Variants in FKBP15 observed in about 807,000 individuals in gnomAD.
The protein encoded by FKBP15 is FK506-binding protein 15.
Under a neutral mutation model 158.1 loss-of-function variants are expected in FKBP15, and 106 were observed. That is an observed-to-expected ratio of 0.67 (90% CI 0.57 to 0.79). FKBP15 has a LOEUF of 0.79. Among genes scored for constraint, FKBP15 ranks in the 30% least tolerant of loss-of-function variants. The pLI is 0.00. For missense variants in FKBP15, 1,287 were observed against 1,479.1 expected, an observed-to-expected ratio of 0.87 and a Z score of 2.13; for synonymous variants, 547 against 548.6, an observed-to-expected ratio of 1.00 and a Z score of 0.04.
Position 113,187,805 on chromosome 9 carries a change from G to A in FKBP15, c.1371C>T (p.Ala457=). 6.2e-7 allele frequency: 1 copy of A among 1,612,924 alleles called. No homozygotes were observed. Among genetic ancestry groups the A allele is most frequent in the Non-Finnish European group, 8.5e-7 (1 of 1,178,964 alleles). ...LDSHSAVSGN[A]QSFQPYAGMQ... ...TATAAAATGTTACCTGAAAGGATTG[G>A]GCATTTCCAGATACAGCTGAGTGGG... Residue 457 remains alanine, a synonymous_variant, in exon 14 of 28, where the codon GCC becomes GCT. Transcript: ENST00000238256.
chr9:113,161,714 A>ACC lies in FKBP15; in HGVS notation c.*4363_*4364insGG, dbSNP rs1830016116. On this transcript the variant is annotated 3_prime_UTR_variant, in exon 28 of 28. Transcript: ENST00000238256. Reference sequence around the variant, plus strand: ...CCCACCACAGGTACAGGCAGTGGGTATGGGAAAGGGGCAGAAGCCTCACAT... The same window carrying ACC: ...CCCACCACAGGTACAGGCAGTGGGTACCTGGGAAAGGGGCAGAAGCCTCACAT... 1 of 1,612,086 alleles carries ACC rather than the reference A, an allele frequency of 6.2e-7. No individual in the cohort carries two copies. Among genetic ancestry groups the ACC allele is most frequent in the Admixed American group, 1.7e-5 (1 of 60,000 alleles).
intron 15 of FKBP15, among the ~76,000 whole-genome samples, chr9:113,185,501 T>C (rs979862334): frequency 1.1e-4 from 17 of 152,214 alleles, no homozygotes; most frequent in African/African-American, 4.1e-4. Flanking sequence ...ACAAATTATG[T>C]TGCAGGACAT....
chr9:113,166,108 A>G lies in FKBP15; in HGVS notation c.3630T>C (p.Asp1210=). 6.2e-7 allele frequency: 1 copy of G among 1,613,774 alleles called. No individual in the cohort carries two copies. Among genetic ancestry groups the G allele is most frequent in the Non-Finnish European group, 8.5e-7 (1 of 1,179,800 alleles). The change falls in exon 28 of 28, where the codon GAT becomes GAC. Residue 1210 remains aspartate (D), a synonymous_variant. Coordinates refer to ENST00000238256, the MANE Select transcript of FKBP15 (RefSeq NM_015258.2). ...CCAGCCAGTCAATGTCATCGTCATC[A>G]TCATCATCTCCAAAAAGGGGCGTTG... The part of the protein sequence containing the change: ...PPPTPLFGDD[D]DDDDIDWLG
chr9:113,188,386 T>C lies in FKBP15; in HGVS notation c.1276+3A>G. 1 of 1,610,760 alleles carries C rather than the reference T, an allele frequency of 6.2e-7. No individual in the cohort carries two copies. The highest frequency in any genetic ancestry group is 8.5e-7 in the Non-Finnish European group (1 of 1,177,040). On this transcript the variant is annotated splice_donor_region_variant and intron_variant, in intron 13 of 27. Coordinates refer to ENST00000238256, the MANE Select transcript of FKBP15 (RefSeq NM_015258.2). The stretch of plus-strand genomic sequence containing the variant: ...GCCACAGAGCCTCAGAGAGGTTCCT[T>C]ACCCTGTGAGGTCATCTGTGGTAAC...
In FKBP15 at chr9:113,186,344, G is replaced by C. The variant is rs1021283286; in HGVS notation, c.1403C>G (p.Ala468Gly). The change falls in exon 15 of 28, where the codon GCC becomes GGC. Residue 468 changes from alanine to glycine, a missense_variant. Transcript: ENST00000238256. ...GGCAGATGCCTGGGGATAAGCGTAGGCTTGCATACCTGCATAGGGCTGAGA... is the reference window on the plus strand; with the variant it reads ...GGCAGATGCCTGGGGATAAGCGTAGCCTTGCATACCTGCATAGGGCTGAGA... ...QSFQPYAGMQ[A>G]YAYPQASAVT... 2 of 1,564,442 alleles carry C rather than the reference G, an allele frequency of 1.3e-6. No homozygotes were observed. The highest frequency in any genetic ancestry group is 1.7e-6 in the Non-Finnish European group (2 of 1,153,722).
At chr9:113,196,264 T>C (rs1024489253) in intron 9 of FKBP15, among the ~76,000 whole-genome samples, 7 of 152,122 alleles carry the variant, frequency 4.6e-5, no homozygotes. Flanking sequence ...TGCATACTTA[T>C]GTAAAGATAT....
intron 20 of FKBP15, among the ~76,000 whole-genome samples, chr9:113,177,348 T>C (rs998710858): frequency 1.3e-5 from 2 of 152,196 alleles, no homozygotes; most frequent in African/African-American, 4.8e-5. Flanking sequence ...TAAAATTTGT[T>C]TGGGAAACTT....
chr9:113,168,738 T>A (rs1830142133), intron 26 of FKBP15, among the ~76,000 whole-genome samples, 182 bp from the exon 27 acceptor site: 1 of 152,146 alleles, frequency 6.6e-6, no homozygotes. Flanking sequence ...CCTAGTGCGG[T>A]TGGCCCCCTC....
chr9:113,178,648 C>T lies in FKBP15; in HGVS notation c.2068G>A (p.Val690Met). ...TDLLRGQLTK[V>M]QAKLSELQET... ...CACATACCTGAGAGCTTTGCCTGCA[C>T]TTTGGTGAGCTGGCCCCTGAGAAGA... The change falls in exon 20 of 28, where the codon GTG (valine) becomes ATG (methionine). Residue 690 changes from valine to methionine, a missense_variant. Transcript: ENST00000238256. 6.2e-7 allele frequency: 1 copy of T among 1,609,948 alleles called. No individual in the cohort carries two copies. Among genetic ancestry groups the T allele is most frequent in the Non-Finnish European group, 8.5e-7 (1 of 1,178,436 alleles).
At chr9:113,178,501 C>T in intron 20 of FKBP15, 129 bp downstream of exon 20, 1 of 850,132 alleles carries the variant, frequency 1.2e-6, no homozygotes, top group Non-Finnish European at 1.8e-6. Flanking sequence ...ATACTAGTCT[C>T]CTTTAATTTT....
intron 6 of FKBP15, 133 bp downstream of exon 6, chr9:113,202,398 A>G: frequency 1.8e-6 from 1 of 569,506 alleles, no homozygotes; most frequent in Admixed American, 3.0e-5. Flanking sequence ...CCGAAGTGGC[A>G]AATTTAGTGG....
chr9:113,171,796 CTCT>C (rs1412238833), intron 23 of FKBP15, 90 bp from the exon 24 acceptor site: 7 of 1,094,018 alleles, frequency 6.4e-6, no homozygotes, highest in Admixed American at 3.8e-5. Context: ...AACATCAAGT[CTCT>C]TTTTTTTTTT....
Position 113,162,895 on chromosome 9 carries a change from A to C in FKBP15, c.*3183T>G, listed in dbSNP as rs770742378. On this transcript the variant is annotated 3_prime_UTR_variant, in exon 28 of 28. Coordinates refer to ENST00000238256, the MANE Select transcript of FKBP15 (RefSeq NM_015258.2). ...TCTGCTGTGGGCTACTACCTAGCTTACCCACTTCTCAGCACAGCTTAGCTG... is the reference window on the plus strand; with the variant it reads ...TCTGCTGTGGGCTACTACCTAGCTTCCCCACTTCTCAGCACAGCTTAGCTG... 15 of 1,611,488 alleles carry C rather than the reference A, an allele frequency of 9.3e-6. No homozygotes were observed. In the East Asian group the frequency reaches 3.1e-4, roughly 34 times the overall value.
intron 1 of FKBP15, among the ~76,000 whole-genome samples, chr9:113,213,654 G>A (rs898523595): frequency 1.3e-5 from 2 of 151,900 alleles, no homozygotes; most frequent in African/African-American, 4.8e-5. Flanking sequence ...ATAAGAAGAG[G>A]AAGAAAGATC....
chr9:113,216,057 G>A (rs1219055374), intron 1 of FKBP15, among the ~76,000 whole-genome samples: 7 of 145,492 alleles, frequency 4.8e-5, no homozygotes, highest in Non-Finnish European at 8.9e-5. Flanking sequence ...CACTCAACAC[G>A]GGGTTGGACA....
At position 113,198,614 on chromosome 9, in the gene FKBP15, TG is replaced by T. The variant is rs1830730500; in HGVS notation, c.717+240del. On this transcript the variant is annotated intron_variant, in intron 8 of 27. Coordinates refer to ENST00000238256, the MANE Select transcript of FKBP15 (RefSeq NM_015258.2). The surrounding 1 kb of genome is among the most constrained non-coding windows in gnomAD (Gnocchi z 5.2). ...CTAAAAATACAAAATTAGCTGGGTG[TG>T]GTGGCGCATGCCTGTAATCCCAGCT... 6.6e-6 allele frequency among the ~76,000 whole-genome samples: 1 copy of T among 152,142 alleles called. No homozygotes were observed. The highest frequency in any genetic ancestry group is 2.4e-5 in the African/African-American group (1 of 41,428).
chr9:113,176,874 A>T (rs1830308044), intron 20 of FKBP15, among the ~76,000 whole-genome samples: 1 of 152,172 alleles, frequency 6.6e-6, no homozygotes, highest in African/African-American at 2.4e-5. Flanking sequence ...TCAGCCTCCC[A>T]GAGTGCTAGG....
chr9:113,169,290 C>T lies in FKBP15; in HGVS notation c.3419G>A (p.Ser1140Asn), dbSNP rs774686895. ...SSTGPHKELS[S>N]TEAGSTVAGA... ...TGCAACTGTGGAACCTGCCTCTGTG[C>T]TTGACAGCTCCTTGTGGGGACCGGT... The change falls in exon 26 of 28, where the codon AGC (serine) becomes AAC (asparagine). Residue 1140 changes from serine (S) to asparagine (N), a missense_variant. Coordinates refer to ENST00000238256, the MANE Select transcript of FKBP15 (RefSeq NM_015258.2). The T allele has an allele frequency of 2.5e-6, 4 of 1,613,936 alleles. No homozygotes were observed. The highest frequency in any genetic ancestry group is 1.7e-5 in the Admixed American group (1 of 60,012).
chr9:113,173,341 C>G, intron 23 of FKBP15, 112 bp downstream of exon 23: 1 of 1,140,112 alleles, frequency 8.8e-7, no homozygotes. Flanking sequence ...GTGGTTTTGT[C>G]TTCTAGATAT....
Sources: allele counts gnomAD v4.1 joint callset (sites outside exome capture counted in the v4.1 genomes callset), GRCh38; gene constraint gnomAD v4.1.1; non-coding constraint Gnocchi (gnomAD v3.1); transcripts MANE v1.5; gene names NCBI Gene and HGNC (gene_info 2026-07-23, HGNC 2026-07-21).